Variants in CCDC149 observed in about 807,000 individuals in gnomAD.
CCDC149 encodes the protein coiled-coil domain containing 149, also known as coiled-coil domain-containing protein 149.
In CCDC149, 45 loss-of-function variants were observed where a neutral mutation model predicts 59.9. That is an observed-to-expected ratio of 0.75 (90% CI 0.59 to 0.96). CCDC149 has a LOEUF of 0.96. Among genes scored for constraint, CCDC149 ranks in the 40% least tolerant of loss-of-function variants. CCDC149 has a pLI of 0.00. For synonymous variants in CCDC149, 245 were observed against 260.6 expected (o/e 0.94, Z 0.58); for missense variants, 584 against 664.7 (o/e 0.88, Z 1.33).
At position 24,902,284 on chromosome 4, in the gene CCDC149, C is replaced by A. The variant is rs535495005; in HGVS notation, c.63+10533G>T. On this transcript the variant is annotated intron_variant, in intron 1 of 12. Coordinates refer to ENST00000635206, the MANE Select transcript of CCDC149 (RefSeq NM_001330643.2). ...ACGGCCTGGCATAGTACCTTGCAGA[C>A]AATACAGACTCAGTAACTGTTGAAT... Among the ~76,000 whole-genome samples the A allele has an allele frequency of 8.5e-5, 13 of 152,304 alleles. No individual in the cohort carries two copies. The South Asian group carries it at 2.5e-3, about 29-fold the overall frequency.
At chr4:24,931,147 T>C (rs1288744360) in intron 1 of CCDC149, among the ~76,000 whole-genome samples, 1 of 151,474 alleles carries the variant, frequency 6.6e-6, no homozygotes, top group Non-Finnish European at 1.5e-5. Context: ...TCTATTTTTT[T>C]AGGCTGTTCC....
At chr4:24,883,456 G>A (rs913686245) in intron 1 of CCDC149, among the ~76,000 whole-genome samples, 2 of 149,288 alleles carry the variant, frequency 1.3e-5, no homozygotes, top group African/African-American at 2.5e-5. Context: ...ACGAAGAGAG[G>A]CACAGGTGGG....
chr4:24,954,926 TAA>T (rs1723425495), intron 1 of CCDC149, among the ~76,000 whole-genome samples: 11 of 152,230 alleles, frequency 7.2e-5, no homozygotes, highest in Non-Finnish European at 1.5e-4. Context: ...TGAGAATTTT[TAA>T]AATTTCTACA....
At position 24,951,452 on chromosome 4, in the gene CCDC149, A is replaced by G. The variant is rs554563208; in HGVS notation, c.-65+28617T>C. Among the ~76,000 whole-genome samples, 10 of 152,372 alleles carry G rather than the reference A, an allele frequency of 6.6e-5. No homozygotes were observed. In the South Asian group the frequency reaches 2.1e-3, roughly 32 times the overall value. On this transcript the variant is annotated intron_variant, in intron 1 of 12. Transcript: ENST00000389609. ...AGAGCACAAAAGAGAGGCTATTATTAATGGGAAAAATAATTTTAAAGTCAT... is the reference window on the plus strand; with the variant it reads ...AGAGCACAAAAGAGAGGCTATTATTGATGGGAAAAATAATTTTAAAGTCAT...
intron 1 of CCDC149, among the ~76,000 whole-genome samples, chr4:24,975,698 C>T (rs1724156853): frequency 6.6e-6 from 1 of 151,950 alleles, no homozygotes; most frequent in South Asian, 2.1e-4. Context: ...GTCCCGTGTC[C>T]ACCCCTGCAA....
At chr4:24,963,851 G>A (rs968393066) in intron 1 of CCDC149, among the ~76,000 whole-genome samples, 1 of 152,158 alleles carries the variant, frequency 6.6e-6, no homozygotes, top group Non-Finnish European at 1.5e-5. Context: ...TAACATTTCA[G>A]CAAAGAAATG....
intron 1 of CCDC149, among the ~76,000 whole-genome samples, chr4:24,892,413 T>TTCATCATCA (rs10623768): frequency 6.6e-6 from 1 of 151,996 alleles, no homozygotes; most frequent in Non-Finnish European, 1.5e-5. Flanking sequence ...ACAGCTTATA[T>TTCATCATCA]TCATCATCAT....
At chr4:24,851,845 A>G (rs1717677682) in intron 4 of CCDC149, among the ~76,000 whole-genome samples, 1 of 152,182 alleles carries the variant, frequency 6.6e-6, no homozygotes, top group South Asian at 2.1e-4. Context: ...TTAATGATGA[A>G]TAAAACCACG....
chr4:24,826,444 T>C (rs1279993922), intron 9 of CCDC149, among the ~76,000 whole-genome samples: 1 of 151,956 alleles, frequency 6.6e-6, no homozygotes, highest in African/African-American at 2.4e-5. Context: ...GCTACAGGAA[T>C]GGGGCAATGA....
intron 12 of CCDC149, among the ~76,000 whole-genome samples, chr4:24,813,677 T>C (rs1364676689): frequency 2.6e-5 from 4 of 152,000 alleles, no homozygotes; most frequent in African/African-American, 9.7e-5. Flanking sequence ...TATTGATTGA[T>C]ATGCATGGTA....
chr4:24,979,573 A>G (rs1418436931), intron 1 of CCDC149, among the ~76,000 whole-genome samples: 3 of 152,216 alleles, frequency 2.0e-5, no homozygotes, highest in African/African-American at 7.2e-5. Flanking sequence ...GTTATTCACA[A>G]TGTAATGATT....
chr4:24,931,854 C>CATATAT (rs1722602671), intron 1 of CCDC149, among the ~76,000 whole-genome samples: 2 of 28,786 alleles, frequency 6.9e-5, no homozygotes, highest in African/African-American at 2.8e-4. Flanking sequence ...TATATATATG[C>CATATAT]ATAATCCATA....
At chr4:24,976,449 A>G (rs1265415597) in intron 1 of CCDC149, among the ~76,000 whole-genome samples, 1 of 152,168 alleles carries the variant, frequency 6.6e-6, no homozygotes, top group African/African-American at 2.4e-5. Context: ...GCGGTGGCTC[A>G]TGTCTGTAAT....
chr4:24,854,277 T>C (rs1490276241), intron 3 of CCDC149, among the ~76,000 whole-genome samples: 2 of 152,224 alleles, frequency 1.3e-5, no homozygotes, highest in Admixed American at 6.5e-5. Context: ...ACCTGACTTA[T>C]CACATTCTTA....
intron 1 of CCDC149, among the ~76,000 whole-genome samples, chr4:24,969,206 T>C (rs2109366044): frequency 6.6e-6 from 1 of 152,342 alleles, no homozygotes; most frequent in Middle Eastern, 3.4e-3. Flanking sequence ...CAAGTAACGA[T>C]AGGGTGAGTG....
chr4:24,863,972 C>T (rs1404979513), intron 3 of CCDC149, among the ~76,000 whole-genome samples: 2 of 152,024 alleles, frequency 1.3e-5, no homozygotes, highest in African/African-American at 2.4e-5. Flanking sequence ...GGTGTGCTCT[C>T]GCCATTGTTC....
chr4:24,941,565 A>G (rs1722954092), intron 1 of CCDC149, among the ~76,000 whole-genome samples: 1 of 152,198 alleles, frequency 6.6e-6, no homozygotes. Flanking sequence ...ACTGAAGGAA[A>G]TCGAGACACA....
downstream of CCDC149, among the ~76,000 whole-genome samples, chr4:24,804,437 G>A (rs1714050147): frequency 6.9e-6 from 1 of 145,310 alleles, no homozygotes; most frequent in Non-Finnish European, 1.5e-5. Context: ...GTTGCAGTGA[G>A]CCGAGATCAT....
chr4:24,876,284 TACACACGTAC>T (rs1719417762), intron 2 of CCDC149, among the ~76,000 whole-genome samples: 10 of 104,454 alleles, frequency 9.6e-5, no homozygotes, highest in African/African-American at 3.8e-4. Context: ...AGCATATACA[TACACACGTAC>T]ACACACACAC....
Sources: allele counts gnomAD v4.1 joint callset (sites outside exome capture counted in the v4.1 genomes callset), GRCh38; gene constraint gnomAD v4.1.1; transcripts MANE v1.5; gene names NCBI Gene and HGNC (gene_info 2026-07-23, HGNC 2026-07-21).